The following CEP112 variants were observed in gnomAD, a reference collection of about 807,000 sequenced individuals.
The protein encoded by CEP112 is centrosomal protein of 112 kDa.
In CEP112, 127 loss-of-function variants were observed where a neutral mutation model predicts 153.0. That is an observed-to-expected ratio of 0.83 (90% CI 0.72 to 0.96). The LOEUF (loss-of-function observed/expected upper bound fraction) is 0.96, where lower values mean the gene tolerates loss of function less well. Among genes scored for constraint, CEP112 ranks in the 40% least tolerant of loss-of-function variants. CEP112 has a pLI of 0.00. For missense variants in CEP112, 1,089 were observed against 1,101.2 expected (o/e 0.99, Z 0.16); for synonymous variants, 358 against 374.4 (o/e 0.96, Z 0.51).
At chr17:65,884,467 T>C (rs186815429) in intron 20 of CEP112, among the ~76,000 whole-genome samples, 116 of 152,296 alleles carry the variant, frequency 7.6e-4, no homozygotes, top group Non-Finnish European at 1.4e-3. Flanking sequence ...CTTACATATC[T>C]ACAGAAAATA....
chr17:66,010,093 G>A (rs769522409), intron 16 of CEP112, among the ~76,000 whole-genome samples: 9 of 152,130 alleles, frequency 5.9e-5, no homozygotes, highest in Non-Finnish European at 1.3e-4. Flanking sequence ...CTATCCATGA[G>A]GATGAAGTGT....
At position 65,704,257 on chromosome 17, in the gene CEP112, C is replaced by T. The variant is rs139222465; in HGVS notation, c.2608-15039G>A. On this transcript the variant is annotated intron_variant, in intron 23 of 26. Coordinates refer to ENST00000535342, the MANE Select transcript of CEP112 (RefSeq NM_001199165.4). ...CTGAGGGAGCACAGCCCTGCCCACA[C>T]CTTGACTTCGGACTTGTGGCCTCTA... is the stretch of plus-strand genomic sequence containing the variant. Among the ~76,000 whole-genome samples the T allele has an allele frequency of 2.8e-3, 422 of 152,240 alleles. 4 individuals carry two copies. The highest frequency in any genetic ancestry group is 9.7e-3 in the African/African-American group (405 of 41,548).
rs2066557303 is a variant in CEP112, at chr17:66,053,840, C to G, written c.1114G>C (p.Asp372His). ...TTTTCAGTGTGTTGCTTTTGAAGAT[C>G]AAACTTTTCCTGTTCCATTTCTGCT... ...AVAEMEQEKF[D>H]LQKQHTENIQ... The change falls in exon 12 of 27, where the codon GAT becomes CAT. Residue 372 changes from aspartate (D) to histidine (H), a missense_variant. By Grantham distance (81) the Asp-to-His change is moderately conservative (BLOSUM62 -1). Coordinates refer to ENST00000535342, the MANE Select transcript of CEP112 (RefSeq NM_001199165.4). The G allele has an allele frequency of 3.7e-6, 6 of 1,613,228 alleles. No homozygotes were observed. The East Asian group carries it at 1.3e-4, about 36-fold the overall frequency.
At chr17:66,068,935 T>C (rs1393189644) in intron 9 of CEP112, among the ~76,000 whole-genome samples, 1 of 151,928 alleles carries the variant, frequency 6.6e-6, no homozygotes, top group Non-Finnish European at 1.5e-5. Context: ...AGTAAAACTC[T>C]AGTAAGAGCA....
chr17:65,696,573 A>G (rs1567877228), intron 23 of CEP112, among the ~76,000 whole-genome samples: 1 of 152,144 alleles, frequency 6.6e-6, no homozygotes, highest in Non-Finnish European at 1.5e-5. Flanking sequence ...AACCAGATGA[A>G]CCTCCGCTGG....
At chr17:65,785,520 T>A (rs2054234045) in intron 21 of CEP112, among the ~76,000 whole-genome samples, 1 of 152,228 alleles carries the variant, frequency 6.6e-6, no homozygotes, top group Admixed American at 6.5e-5. Context: ...GGGTATGAAG[T>A]GGTATCTCAT....
At chr17:65,820,686 A>G (rs2056486039) in intron 21 of CEP112, among the ~76,000 whole-genome samples, 1 of 152,148 alleles carries the variant, frequency 6.6e-6, no homozygotes, top group Non-Finnish European at 1.5e-5. Context: ...TGTAAAATGT[A>G]TGATACTTCC....
intron 19 of CEP112, among the ~76,000 whole-genome samples, chr17:65,908,264 C>T (rs1365848994): frequency 1.3e-5 from 2 of 152,204 alleles, no homozygotes; most frequent in African/African-American, 2.4e-5. Flanking sequence ...CTGGTAGTGT[C>T]AGCCCTCATG....
intron 8 of CEP112, among the ~76,000 whole-genome samples, chr17:66,081,484 C>T (rs1191879370): frequency 1.3e-5 from 2 of 152,032 alleles, no homozygotes; most frequent in Non-Finnish European, 2.9e-5. Context: ...AATTATGTGA[C>T]ATTATGCATA....
intron 6 of CEP112, among the ~76,000 whole-genome samples, chr17:66,109,356 C>T (rs920958748): frequency 6.6e-6 from 1 of 151,932 alleles, no homozygotes; most frequent in Non-Finnish European, 1.5e-5. Context: ...GTATCATATG[C>T]CTGTTATCAA....
At chr17:65,661,823 G>A (rs1036563482) in intron 24 of CEP112, 4 of 152,064 alleles carry the variant, frequency 2.6e-5, no homozygotes, top group Non-Finnish European at 5.9e-5. Flanking sequence ...ATCTGCTCTA[G>A]GTGAGATGGA....
rs9910323 is a variant in CEP112 at position 65,708,117 on chromosome 17, A to G, written c.2608-18899T>C. The stretch of plus-strand genomic sequence containing the variant: ...ACCAAACATCTAAAGCTTAAGATAT[A>G]GTGTTTCTTTTCAAAACTGACAACC... On this transcript the variant is annotated intron_variant, in intron 23 of 26. Coordinates refer to ENST00000535342, the MANE Select transcript of CEP112 (RefSeq NM_001199165.4). 1.7e-3 allele frequency among the ~76,000 whole-genome samples: 257 copies of G among 152,118 alleles called. 2 individuals carry two copies. The highest frequency in any genetic ancestry group is 6.0e-3 in the African/African-American group (250 of 41,516).
intron 11 of CEP112, among the ~76,000 whole-genome samples, chr17:66,055,184 CT>C (rs2066630103): frequency 6.6e-6 from 1 of 152,176 alleles, no homozygotes; most frequent in East Asian, 1.9e-4. Context: ...GAGATGGAAG[CT>C]AGGGCAGAAT....
chr17:65,864,252 C>G (rs2058409339), intron 20 of CEP112, among the ~76,000 whole-genome samples: 1 of 152,150 alleles, frequency 6.6e-6, no homozygotes, highest in African/African-American at 2.4e-5. Flanking sequence ...ACCTAACTAT[C>G]CATTACCTCT....
chr17:65,708,558 G>T (rs1322928955), intron 23 of CEP112, among the ~76,000 whole-genome samples: 1 of 152,072 alleles, frequency 6.6e-6, no homozygotes, highest in Non-Finnish European at 1.5e-5. Flanking sequence ...AATCGTAGAA[G>T]CTTCTCTCTC....
intron 24 of CEP112, among the ~76,000 whole-genome samples, chr17:65,683,555 C>A (rs1004724648): frequency 6.6e-6 from 1 of 152,208 alleles, no homozygotes; most frequent in African/African-American, 2.4e-5. Context: ...CCCGGCTCCC[C>A]GGAGGGCTGC....
chr17:65,734,291 T>TAG (rs988266482), intron 23 of CEP112, among the ~76,000 whole-genome samples: 5 of 152,172 alleles, frequency 3.3e-5, no homozygotes, highest in African/African-American at 1.2e-4. Flanking sequence ...CATGGGATCA[T>TAG]AGAGAACATG....
intron 23 of CEP112, among the ~76,000 whole-genome samples, chr17:65,739,455 G>A (rs533177386): frequency 8.7e-4 from 132 of 152,310 alleles, no homozygotes; most frequent in Non-Finnish European, 1.6e-3. Context: ...ATCTACTCTT[G>A]CCAGGTGTGG....
chr17:65,809,475 T>G (rs1305316867), intron 21 of CEP112, among the ~76,000 whole-genome samples: 1 of 151,916 alleles, frequency 6.6e-6, no homozygotes, highest in African/African-American at 2.4e-5. Context: ...CAGTGAAGAG[T>G]CAATTTAGAT....
Sources: gnomAD v4.1 joint callset for allele counts (sites outside exome capture counted in the v4.1 genomes callset) on GRCh38, gnomAD v4.1.1 for gene constraint, MANE v1.5 for transcripts, NCBI Gene and HGNC (gene_info 2026-07-23, HGNC 2026-07-21) for gene names.